EPB41L4A: variants seen among roughly 807,000 people sequenced by gnomAD.
EPB41L4A encodes the protein erythrocyte membrane protein band 4.1 like 4A.
Under a neutral mutation model 108.6 loss-of-function variants are expected in EPB41L4A, and 100 were observed. That is an observed-to-expected ratio of 0.92 (90% CI 0.78 to 1.09). The LOEUF (loss-of-function observed/expected upper bound fraction) is 1.09, where lower values mean the gene tolerates loss of function less well. EPB41L4A is among the 50% of genes least tolerant of loss of function. The pLI is 0.00. For missense variants in EPB41L4A, 1,030 were observed against 842.7 expected, an observed-to-expected ratio of 1.22 and a Z score of -2.75; for synonymous variants, 319 against 289.0, an observed-to-expected ratio of 1.10 and a Z score of -1.05.
intron 9 of EPB41L4A, among the ~76,000 whole-genome samples, chr5:112,248,355 T>A (rs1288768731): frequency 1.3e-5 from 2 of 152,206 alleles, no homozygotes; most frequent in African/African-American, 2.4e-5. Context: ...AACAGCTGCT[T>A]AATTAAAGAA....
rs924592965 is a variant in EPB41L4A at position 112,240,819 on chromosome 5, G to A, written c.796-9C>T. The A allele has an allele frequency of 1.3e-6, 2 of 1,537,428 alleles. No individual in the cohort carries two copies. The highest frequency in any genetic ancestry group is 2.3e-5 in the East Asian group (1 of 43,016). The stretch of plus-strand genomic sequence containing the variant: ...AATGAGGTTTCGTTACACTAAGAGA[G>A]AAAGAGAGACAGAATATGAATAATG... On this transcript the variant is annotated splice_polypyrimidine_tract_variant and intron_variant, in intron 9 of 22. Transcript: ENST00000261486.
At chr5:112,384,905 A>T (rs1447356161) in intron 1 of EPB41L4A, among the ~76,000 whole-genome samples, 1 of 152,188 alleles carries the variant, frequency 6.6e-6, no homozygotes, top group East Asian at 1.9e-4. Flanking sequence ...TGGGAAAGAT[A>T]ATGCAAAGAG....
chr5:112,358,545 C>A (rs931615131), intron 1 of EPB41L4A, among the ~76,000 whole-genome samples: 2 of 152,186 alleles, frequency 1.3e-5, no homozygotes, highest in Admixed American at 1.3e-4. Context: ...AGTTTAACAG[C>A]TGGATGATAC....
intron 1 of EPB41L4A, among the ~76,000 whole-genome samples, chr5:112,337,639 C>T (rs1453948695): frequency 2.0e-5 from 3 of 152,174 alleles, no homozygotes; most frequent in Admixed American, 6.5e-5. Context: ...TTCCCTGCTA[C>T]ACCATATACA....
At chr5:112,259,479 A>G (rs1211114370) in intron 8 of EPB41L4A, among the ~76,000 whole-genome samples, 187 bp from the exon 9 acceptor site, 1 of 152,172 alleles carries the variant, frequency 6.6e-6, no homozygotes, top group Non-Finnish European at 1.5e-5. Context: ...TCATTGTCCT[A>G]TGCTTCTCCA....
chr5:112,264,924 C>T lies in EPB41L4A; in HGVS notation c.526G>A (p.Ala176Thr), dbSNP rs967013893. The T allele has an allele frequency of 6.2e-7, 1 of 1,612,340 alleles. No homozygotes were observed. The highest frequency in any genetic ancestry group is 8.5e-7 in the Non-Finnish European group (1 of 1,179,372). Reference protein sequence around the residue: ...VPDQKEELEEAIERIHKTLMG... With the variant: ...VPDQKEELEETIERIHKTLMG... ...AGAGTTTTATGAATCCTTTCTATGG[C>T]TTCTTCAAGTTCTTCCTTCTGATCA... The change falls in exon 6 of 23, where the codon GCC (alanine) becomes ACC (threonine). Residue 176 changes from alanine (A) to threonine (T), a missense_variant. Coordinates refer to ENST00000261486, the MANE Select transcript of EPB41L4A (RefSeq NM_022140.5).
chr5:112,343,034 C>T (rs957498483), intron 1 of EPB41L4A, among the ~76,000 whole-genome samples: 2 of 152,066 alleles, frequency 1.3e-5, no homozygotes, highest in African/African-American at 2.4e-5. Context: ...AGAAATAGAT[C>T]CCATTTGGAA....
intron 12 of EPB41L4A, among the ~76,000 whole-genome samples, chr5:112,210,566 T>C (rs1762686929): frequency 6.6e-6 from 1 of 152,196 alleles, no homozygotes; most frequent in African/African-American, 2.4e-5. Flanking sequence ...TAAAAGTTGT[T>C]ATTCCATAGA....
At chr5:112,317,962 C>T (rs1256307829) in intron 1 of EPB41L4A, among the ~76,000 whole-genome samples, 1 of 152,048 alleles carries the variant, frequency 6.6e-6, no homozygotes. Context: ...TTGAGAATTA[C>T]TCTACTATAC....
At chr5:112,331,735 G>A (rs1030020261) in intron 1 of EPB41L4A, among the ~76,000 whole-genome samples, 1 of 152,208 alleles carries the variant, frequency 6.6e-6, no homozygotes, top group Admixed American at 6.5e-5. Flanking sequence ...ATGGAGTTGG[G>A]AGGCAAGGGC....
chr5:112,331,937 C>G (rs1175404191), intron 1 of EPB41L4A, among the ~76,000 whole-genome samples: 1 of 152,214 alleles, frequency 6.6e-6, no homozygotes. Context: ...GTCCAAGTGA[C>G]TCCCAAGAAC....
intron 2 of EPB41L4A, among the ~76,000 whole-genome samples, chr5:112,302,055 T>G (rs1754395594): frequency 6.6e-6 from 1 of 152,110 alleles, no homozygotes; most frequent in Non-Finnish European, 1.5e-5. Flanking sequence ...AGTACAAAAT[T>G]GCTATGAAAT....
chr5:112,394,168 G>C (rs926314687), intron 1 of EPB41L4A, among the ~76,000 whole-genome samples: 8 of 152,136 alleles, frequency 5.3e-5, no homozygotes, highest in Admixed American at 3.3e-4. Flanking sequence ...CATTCCCTTT[G>C]AAAACTGCCA....
chr5:112,409,479 C>G (rs1580854707), intron 1 of EPB41L4A, among the ~76,000 whole-genome samples: 1 of 151,954 alleles, frequency 6.6e-6, no homozygotes, highest in South Asian at 2.1e-4. Flanking sequence ...GTAAGTTGTA[C>G]AGTATACAAT....
At chr5:112,374,681 T>C (rs1759698258) in intron 1 of EPB41L4A, among the ~76,000 whole-genome samples, 1 of 152,224 alleles carries the variant, frequency 6.6e-6, no homozygotes, top group Non-Finnish European at 1.5e-5. Context: ...CATACCTGGT[T>C]TGGGTTTTAT....
intron 15 of EPB41L4A, among the ~76,000 whole-genome samples, chr5:112,197,148 C>CA (rs1239695021): frequency 6.6e-6 from 1 of 152,182 alleles, no homozygotes; most frequent in Non-Finnish European, 1.5e-5. Context: ...CTAGCAGACT[C>CA]TTTTTACAAG....
chr5:112,366,258 T>C (rs17134390), intron 1 of EPB41L4A, among the ~76,000 whole-genome samples: 2,214 of 150,288 alleles, frequency 0.015, 56 homozygotes, highest in African/African-American at 0.052. Context: ...TGTTGTGGTA[T>C]ACTTGCCCAT....
At chr5:112,356,804 C>G (rs1035577598) in intron 1 of EPB41L4A, among the ~76,000 whole-genome samples, 3 of 152,202 alleles carry the variant, frequency 2.0e-5, no homozygotes, top group African/African-American at 7.2e-5. Context: ...AAAGAAAAAT[C>G]AAAGGCTGCA....
chr5:112,419,140 T>C lies in EPB41L4A; in HGVS notation c.-101A>G, dbSNP rs1762912563. 1 of 880,870 alleles carries C rather than the reference T, an allele frequency of 1.1e-6. No individual in the cohort carries two copies. Among genetic ancestry groups the C allele is most frequent in the Non-Finnish European group, 1.8e-6 (1 of 548,862 alleles). 54.6% of individuals were successfully genotyped at this position (880,870 alleles called of 1,614,324 possible). On this transcript the variant is annotated 5_prime_UTR_variant, in exon 1 of 23. Transcript: ENST00000261486. ...ATGCATTAATTTATTGTCCGCGCCG[T>C]GGCGAGGGTGAGACGAGCAGCTCCC...
Sources: gnomAD v4.1 joint callset for allele counts (sites outside exome capture counted in the v4.1 genomes callset) on GRCh38, gnomAD v4.1.1 for gene constraint, MANE v1.5 for transcripts, NCBI Gene and HGNC (gene_info 2026-07-23, HGNC 2026-07-21) for gene names.